The following PRKG1 variants were observed in gnomAD, a reference collection of about 807,000 sequenced individuals.
PRKG1 encodes cGMP-dependent protein kinase 1.
PRKG1 carries 35 observed loss-of-function variants against 88.1 expected under a neutral mutation model. That is an observed-to-expected ratio of 0.40 (90% confidence interval 0.30 to 0.53). The LOEUF (loss-of-function observed/expected upper bound fraction) is 0.53. Among genes scored for constraint, PRKG1 ranks in the 20% least tolerant of loss-of-function variants. The pLI is 0.59. For synonymous variants in PRKG1, 303 were observed against 292.5 expected, an observed-to-expected ratio of 1.04 and a Z score of -0.37; for missense variants, 540 against 839.8, an observed-to-expected ratio of 0.64 and a Z score of 4.41.
At chr10:51,632,580 G>A (rs532289635) in intron 3 of PRKG1, among the ~76,000 whole-genome samples, 11 of 152,252 alleles carry the variant, frequency 7.2e-5, no homozygotes, top group African/African-American at 1.7e-4. Context: ...TAGGTTAATC[G>A]TATCTATCTG....
At chr10:52,095,523 A>G (rs1454990951) in intron 7 of PRKG1, among the ~76,000 whole-genome samples, 1 of 152,198 alleles carries the variant, frequency 6.6e-6, no homozygotes, top group Non-Finnish European at 1.5e-5. Flanking sequence ...AAGCACCATG[A>G]GGGTTGAAGG....
chr10:52,293,615 A>G (rs1185585273), intron 17 of PRKG1, among the ~76,000 whole-genome samples, 187 bp from the exon 18 acceptor site: 1 of 152,152 alleles, frequency 6.6e-6, no homozygotes, highest in Non-Finnish European at 1.5e-5. Flanking sequence ...TCACAAGGGT[A>G]TAAACTCTCC....
chr10:52,187,882 T>C lies in PRKG1; in HGVS notation c.1076+25919T>C, dbSNP rs558197225. The stretch of plus-strand genomic sequence containing the variant: ...AGGTGCAGTAAGTGGACATTTAAAA[T>C]GCAGATAATGTTGGAATTTTTATGC... On this transcript the variant is annotated intron_variant, in intron 9 of 17. Coordinates refer to ENST00000373980, the MANE Select transcript of PRKG1 (RefSeq NM_006258.4). 3.3e-5 allele frequency among the ~76,000 whole-genome samples: 5 copies of C among 152,292 alleles called. 1 individual carries two copies. In the South Asian group the frequency reaches 1.0e-3, roughly 32 times the overall value.
At chr10:51,924,675 T>A (rs368494488) in intron 5 of PRKG1, among the ~76,000 whole-genome samples, 10 of 152,008 alleles carry the variant, frequency 6.6e-5, no homozygotes, top group African/African-American at 2.4e-4. Context: ...ATTACGTATA[T>A]GTTGCATCTT....
chr10:51,893,967 CAAGTG>C (rs749381711), intron 4 of PRKG1, among the ~76,000 whole-genome samples: 6 of 152,118 alleles, frequency 3.9e-5, no homozygotes, highest in Non-Finnish European at 8.8e-5. Context: ...GGTTACAATA[CAAGTG>C]TAAGTGCTAT....
At chr10:51,794,848 C>G (rs529087970) in intron 3 of PRKG1, among the ~76,000 whole-genome samples, 1 of 151,908 alleles carries the variant, frequency 6.6e-6, no homozygotes, top group Non-Finnish European at 1.5e-5. Flanking sequence ...CAGATGGAAA[C>G]TAACTCTTTT....
intron 2 of PRKG1, among the ~76,000 whole-genome samples, chr10:51,198,418 T>C (rs879844410): frequency 6.6e-6 from 1 of 152,222 alleles, no homozygotes; most frequent in Non-Finnish European, 1.5e-5. Flanking sequence ...TCCATTCGAA[T>C]AAATATCCAA....
intron 9 of PRKG1, among the ~76,000 whole-genome samples, chr10:52,169,178 G>T (rs779068850): frequency 3.3e-4 from 50 of 152,154 alleles, no homozygotes; most frequent in Non-Finnish European, 6.5e-4. Context: ...ATGAAAGGTA[G>T]AAGGAACACC....
At chr10:52,100,137 A>C (rs1469471744) in intron 7 of PRKG1, among the ~76,000 whole-genome samples, 2 of 152,138 alleles carry the variant, frequency 1.3e-5, no homozygotes, top group Non-Finnish European at 2.9e-5. Flanking sequence ...TTCCTGTCTC[A>C]TGGGGCCATT....
intron 10 of PRKG1, among the ~76,000 whole-genome samples, chr10:52,255,756 A>T (rs1377126909): frequency 1.3e-5 from 2 of 152,058 alleles, no homozygotes. Flanking sequence ...AGCATTTCTG[A>T]GGCAGAGGGA....
intron 2 of PRKG1, among the ~76,000 whole-genome samples, chr10:51,275,978 A>G (rs966748568): frequency 6.8e-6 from 1 of 147,982 alleles, no homozygotes; most frequent in Non-Finnish European, 1.5e-5. Context: ...TTTTTTTTTT[A>G]TTGCACTTTA....
chr10:52,195,258 AT>A (rs1839475955), intron 9 of PRKG1, among the ~76,000 whole-genome samples: 1 of 151,546 alleles, frequency 6.6e-6, no homozygotes, highest in Non-Finnish European at 1.5e-5. Flanking sequence ...TTTAGCTCGA[AT>A]AATATTAGTT....
intron 2 of PRKG1, among the ~76,000 whole-genome samples, chr10:51,413,949 G>C (rs1838171499): frequency 6.6e-6 from 1 of 152,116 alleles, no homozygotes; most frequent in Non-Finnish European, 1.5e-5. Context: ...GTGTGGTAGG[G>C]ACCTGTAGTA....
chr10:51,221,128 G>A (rs1238778958), intron 2 of PRKG1, among the ~76,000 whole-genome samples: 2 of 151,872 alleles, frequency 1.3e-5, no homozygotes, highest in African/African-American at 4.8e-5. Flanking sequence ...TAAAGTTAAT[G>A]TATTTTCACC....
At chr10:51,412,307 C>G (rs971328316) in intron 2 of PRKG1, among the ~76,000 whole-genome samples, 21 of 151,620 alleles carry the variant, frequency 1.4e-4, no homozygotes, top group African/African-American at 5.1e-4. Context: ...AAACTCAAAA[C>G]TAGCTGTTAA....
At chr10:52,276,987 T>C (rs574495747) in intron 12 of PRKG1, among the ~76,000 whole-genome samples, 2 of 152,298 alleles carry the variant, frequency 1.3e-5, no homozygotes, top group African/African-American at 2.4e-5. Flanking sequence ...TCAAAATCGG[T>C]TACAAATATA....
intron 5 of PRKG1, among the ~76,000 whole-genome samples, chr10:51,936,885 G>A (rs1309535703): frequency 6.6e-6 from 1 of 151,940 alleles, no homozygotes; most frequent in Non-Finnish European, 1.5e-5. Context: ...CATTTCTCCT[G>A]AATTCTTACA....
At chr10:51,761,802 GAT>G (rs1838028814) in intron 3 of PRKG1, among the ~76,000 whole-genome samples, 1 of 152,098 alleles carries the variant, frequency 6.6e-6, no homozygotes. Context: ...AATTGTTTAA[GAT>G]AAAGATATGT....
At chr10:51,020,391 G>A (rs964385993) in intron 1 of PRKG1, among the ~76,000 whole-genome samples, 3 of 152,042 alleles carry the variant, frequency 2.0e-5, no homozygotes, top group African/African-American at 4.8e-5. Context: ...ATGTCAACAC[G>A]TCTCCGTTTA....
Sources: gnomAD v4.1 joint callset for allele counts (sites outside exome capture counted in the v4.1 genomes callset) on GRCh38, gnomAD v4.1.1 for gene constraint, MANE v1.5 for transcripts, NCBI Gene and HGNC (gene_info 2026-07-23, HGNC 2026-07-21) for gene names.